The following HOMER1 variants were observed in gnomAD, a reference collection of about 807,000 sequenced individuals.
HOMER1 encodes the protein homer protein homolog 1.
Under a neutral mutation model 48.9 loss-of-function variants are expected in HOMER1, and 3 were observed. The ratio of observed to expected loss-of-function variants is 0.06; its 90% CI spans 0.03 to 0.16. The LOEUF (loss-of-function observed/expected upper bound fraction) is 0.16. HOMER1 is among the 10% of genes least tolerant of loss of function. HOMER1 has a pLI of 1.00. For missense variants in HOMER1, 247 were observed against 411.4 expected (o/e 0.60, Z 3.46); for synonymous variants, 134 against 146.4 (o/e 0.92, Z 0.61).
intron 5 of HOMER1, among the ~76,000 whole-genome samples, chr5:79,435,366 G>C (rs1218915504): frequency 6.6e-6 from 1 of 152,114 alleles, no homozygotes; most frequent in African/African-American, 2.4e-5. Flanking sequence ...TAACTAATCT[G>C]ACTGACTAGA....
intron 1 of HOMER1, among the ~76,000 whole-genome samples, chr5:79,511,339 T>G (rs1580052056): frequency 6.6e-6 from 1 of 152,368 alleles, no homozygotes. Flanking sequence ...TTAAACTGCT[T>G]AGAGTGAAAA....
intron 8 of HOMER1, among the ~76,000 whole-genome samples, chr5:79,386,829 TA>T (rs1207002186): frequency 6.6e-6 from 1 of 152,142 alleles, no homozygotes; most frequent in Non-Finnish European, 1.5e-5. Flanking sequence ...TTAAAGAGCC[TA>T]AAATACTACA....
In HOMER1 at chr5:79,491,075, CAAAAAAAAAAAAAAAAAAAAAAAA is replaced by C. The variant is rs10527802; in HGVS notation, c.5+21671_5+21694del. Among the ~76,000 whole-genome samples, 246 of 37,266 alleles carry C rather than the reference CAAAAAAAAAAAAAAAAAAAAAAAA, an allele frequency of 6.6e-3. 5 individuals carry two copies. Among genetic ancestry groups the C allele is most frequent in the African/African-American group, 0.014 (241 of 16,802 alleles). 24.4% of individuals were successfully genotyped at this position (37,266 alleles called of 152,430 possible). Reference sequence around the variant, plus strand: ...TTTTTGGCCTTCAGTAGTACCAAAGCAAAAAAAAAAAAAAAAAAAAAAAAAAAAAAAAAAAGCTTGTCATGCTCT... The same window carrying C: ...TTTTTGGCCTTCAGTAGTACCAAAGCAAAAAAAAAAAGCTTGTCATGCTCT... On this transcript the variant is annotated intron_variant, in intron 1 of 8. Coordinates refer to ENST00000334082, the MANE Select transcript of HOMER1 (RefSeq NM_004272.5).
intron 1 of HOMER1, among the ~76,000 whole-genome samples, chr5:79,502,813 G>C (rs896140676): frequency 6.6e-6 from 1 of 152,134 alleles, no homozygotes; most frequent in African/African-American, 2.4e-5. Flanking sequence ...GTGTGTGTGA[G>C]ACAGTCTCGC....
At chr5:79,507,377 G>C (rs923885481) in intron 1 of HOMER1, among the ~76,000 whole-genome samples, 1 of 151,748 alleles carries the variant, frequency 6.6e-6, no homozygotes, top group Non-Finnish European at 1.5e-5. Context: ...AGATTCTTTT[G>C]AAATGAACAT....
At chr5:79,462,641 T>C (rs913604567) in intron 1 of HOMER1, among the ~76,000 whole-genome samples, 1 of 152,172 alleles carries the variant, frequency 6.6e-6, no homozygotes, top group Non-Finnish European at 1.5e-5. Context: ...ATAAAAAAAC[T>C]AGAGCAAAAC....
Position 79,376,092 on chromosome 5 carries a change from T to C in HOMER1, c.982A>G (p.Thr328Ala), listed in dbSNP as rs778196982. ...TTTCCATCCAGAATTTCTAAGAGTG[T>C]CTTCAGGTTATTGCGAAAAGCTTCT... The part of the protein sequence containing the change: ...EQEAFRNNLK[T>A]LLEILDGKIF... Residue 328 changes from threonine (T) to alanine (A), a missense_variant, in exon 9 of 9, where the codon ACA becomes GCA. Coordinates refer to ENST00000334082, the MANE Select transcript of HOMER1 (RefSeq NM_004272.5). 2.5e-6 allele frequency: 4 copies of C among 1,613,752 alleles called. No homozygotes were observed. The highest frequency in any genetic ancestry group is 3.4e-6 in the Non-Finnish European group (4 of 1,179,744).
intron 5 of HOMER1, among the ~76,000 whole-genome samples, chr5:79,415,633 A>G (rs576845745): frequency 7.2e-4 from 109 of 152,374 alleles, no homozygotes; most frequent in African/African-American, 2.5e-3. Flanking sequence ...TAGATCAGAT[A>G]AAATACAGAA....
intron 1 of HOMER1, among the ~76,000 whole-genome samples, chr5:79,457,554 G>A (rs1751206521): frequency 6.6e-6 from 1 of 152,206 alleles, no homozygotes; most frequent in African/African-American, 2.4e-5. Context: ...GGTGCAAGAA[G>A]GCTGTGATGT....
chr5:79,417,619 G>A (rs2112242367), intron 5 of HOMER1, among the ~76,000 whole-genome samples: 2 of 152,282 alleles, frequency 1.3e-5, no homozygotes, highest in East Asian at 3.9e-4. Context: ...TGCCAAGAAT[G>A]AGATCAGTTA....
chr5:79,443,402 C>A (rs1750791905), intron 4 of HOMER1, among the ~76,000 whole-genome samples: 1 of 152,100 alleles, frequency 6.6e-6, no homozygotes, highest in South Asian at 2.1e-4. Flanking sequence ...CATCTTAGAC[C>A]TACTAAATCA....
intron 5 of HOMER1, among the ~76,000 whole-genome samples, chr5:79,430,869 G>A (rs778130887): frequency 3.9e-5 from 6 of 151,968 alleles, no homozygotes; most frequent in South Asian, 2.1e-4. Flanking sequence ...CCCAGGAGGC[G>A]GAGGTTGCAA....
At position 79,491,438 on chromosome 5, in the gene HOMER1, C is replaced by CAAAA. The variant is rs56778843; in HGVS notation, c.5+21328_5+21331dup. Among the ~76,000 whole-genome samples the CAAAA allele has an allele frequency of 3.1e-3, 176 of 57,502 alleles. 3 individuals carry two copies. Among genetic ancestry groups the CAAAA allele is most frequent in the African/African-American group, 8.3e-3 (121 of 14,570 alleles). The allele number at this position is 57,502 out of a possible 152,430, so 37.7% of individuals were successfully genotyped here. A position where few individuals can be genotyped will look rare whatever the true frequency, so the allele number is the denominator to read the frequency against. ...TGGATGACAGAGCGAGACCTTGTCT[C>CAAAA]AAAAAAAAAAAAAAAAAAAAAAAAG... On this transcript the variant is annotated intron_variant, in intron 1 of 8. Coordinates refer to ENST00000334082, the MANE Select transcript of HOMER1 (RefSeq NM_004272.5).
At chr5:79,487,222 T>C (rs1752130764) in intron 1 of HOMER1, among the ~76,000 whole-genome samples, 1 of 152,168 alleles carries the variant, frequency 6.6e-6, no homozygotes, top group Non-Finnish European at 1.5e-5. Context: ...GAGGTTGCAG[T>C]GAGCCGAGAC....
rs147881913 is a variant in HOMER1 at position 79,412,018 on chromosome 5, C to G, written c.528-9963G>C. Among the ~76,000 whole-genome samples the G allele has an allele frequency of 4.2e-3, 632 of 152,260 alleles. 4 individuals are homozygous for G. The highest frequency in any genetic ancestry group is 0.013 in the African/African-American group (557 of 41,540). On this transcript the variant is annotated intron_variant, in intron 5 of 8. Transcript: ENST00000334082. Reference sequence around the variant, plus strand: ...CCTGTAATCCCAGCTACTTGAGAGGCTGAGGCAGAAGAATTGCTTGAACCT... The same window carrying G: ...CCTGTAATCCCAGCTACTTGAGAGGGTGAGGCAGAAGAATTGCTTGAACCT...
chr5:79,455,754 G>A (rs1161411075), intron 2 of HOMER1, among the ~76,000 whole-genome samples: 1 of 152,158 alleles, frequency 6.6e-6, no homozygotes, highest in Non-Finnish European at 1.5e-5. Flanking sequence ...ATGGCTTTAA[G>A]AAACTGAAGA....
At chr5:79,398,333 G>GCAGACATGTATGCAATATAAATACACACA (rs1749445922) in intron 6 of HOMER1, among the ~76,000 whole-genome samples, 2 of 129,032 alleles carry the variant, frequency 1.6e-5, no homozygotes, top group Admixed American at 8.0e-5. Flanking sequence ...ACACACACAT[G>GCAGACATGTATGCAATATAAATACACACA]CACACACACA....
At chr5:79,388,867 A>C (rs1206662554) in intron 8 of HOMER1, among the ~76,000 whole-genome samples, 1 of 152,092 alleles carries the variant, frequency 6.6e-6, no homozygotes, top group Non-Finnish European at 1.5e-5. Flanking sequence ...ACAAGATTGG[A>C]GCTCCTGAAG....
chr5:79,438,936 A>G (rs2112275483), intron 5 of HOMER1, 74 bp downstream of exon 5: 2 of 1,393,210 alleles, frequency 1.4e-6, no homozygotes, highest in Middle Eastern at 1.8e-4. Flanking sequence ...GCTTGTAACT[A>G]CAAGGGTTCC....
Sources: gnomAD v4.1 joint callset for allele counts (sites outside exome capture counted in the v4.1 genomes callset) on GRCh38, gnomAD v4.1.1 for gene constraint, MANE v1.5 for transcripts, NCBI Gene and HGNC (gene_info 2026-07-23, HGNC 2026-07-21) for gene names.